MCM9: variants seen among roughly 807,000 people sequenced by gnomAD.
MCM9 encodes minichromosome maintenance 9 homologous recombination repair factor.
MCM9 carries 55 observed loss-of-function variants against 72.8 expected under a neutral mutation model. The observed-to-expected ratio is 0.76, with a 90% confidence interval of 0.61 to 0.95. MCM9 has a LOEUF of 0.95. Ranked by LOEUF, MCM9 falls within the 40% of genes least tolerant of loss-of-function variation. The pLI is 0.00. For synonymous variants in MCM9, 480 were observed against 503.4 expected (o/e 0.95, Z 0.62); for missense variants, 1,279 against 1,377.0 (o/e 0.93, Z 1.13).
At chr6:118,865,266 A>C (rs1159447573) in intron 8 of MCM9, among the ~76,000 whole-genome samples, 1 of 152,160 alleles carries the variant, frequency 6.6e-6, no homozygotes, top group Non-Finnish European at 1.5e-5. Context: ...GTCATACCAT[A>C]GGGGCAGTGC....
chr6:118,891,361 A>G (rs1423293681), intron 8 of MCM9, among the ~76,000 whole-genome samples: 1 of 152,190 alleles, frequency 6.6e-6, no homozygotes, highest in Non-Finnish European at 1.5e-5. Context: ...GAGGGGAAAA[A>G]TATCTTATAG....
chr6:118,858,739 A>G lies in MCM9; in HGVS notation c.1151-2194T>C, dbSNP rs150018598. Among the ~76,000 whole-genome samples the G allele has an allele frequency of 1.8e-3, 277 of 152,284 alleles. 1 individual carries two copies. The highest frequency in any genetic ancestry group is 0.01 in the Middle Eastern group (3 of 294). On this transcript the variant is annotated intron_variant, in intron 8 of 13. Transcript: ENST00000619706. The stretch of plus-strand genomic sequence containing the variant: ...CATGCAAGAATCTCTATGCAAAACT[A>G]CAAAACACTGACAGAGGAAATCATG...
rs1393798628 is a variant in MCM9 at position 118,814,472 on chromosome 6, G to A, written c.*352C>T. On this transcript the variant is annotated 3_prime_UTR_variant, in exon 14 of 14. Transcript: ENST00000619706. ...CTACCTTCTTGACATTTGTTCCTGA[G>A]TGAATGAAAGAAGAAATTAATCTAG... is the stretch of plus-strand genomic sequence containing the variant. 2.9e-5 allele frequency: 5 copies of A among 174,242 alleles called. No individual in the cohort carries two copies. Among genetic ancestry groups the A allele is most frequent in the Non-Finnish European group, 5.9e-5 (5 of 84,398 alleles). The allele number at this position is 174,242 out of a possible 1,614,324, so 10.8% of individuals were successfully genotyped here.
Position 118,932,641 on chromosome 6 carries a change from T to A in MCM9, c.-50A>T. 1.0e-6 allele frequency: 1 copy of A among 983,014 alleles called. No homozygotes were observed. Among genetic ancestry groups the A allele is most frequent in the Non-Finnish European group, 1.2e-6 (1 of 827,716 alleles). The allele number at this position is 983,014 out of a possible 1,614,324, so 60.9% of individuals were successfully genotyped here. On this transcript the variant is annotated 5_prime_UTR_variant, in exon 2 of 14. Transcript: ENST00000619706. ...GACTGACAGCCAGTTCTGACATGAATAATTAACAGACTGTCCTTAGAAATT... is the reference window on the plus strand; with the variant it reads ...GACTGACAGCCAGTTCTGACATGAAAAATTAACAGACTGTCCTTAGAAATT...
At chr6:118,870,522 T>C (rs1391994160) in intron 8 of MCM9, among the ~76,000 whole-genome samples, 1 of 151,566 alleles carries the variant, frequency 6.6e-6, no homozygotes, top group African/African-American at 2.4e-5. Flanking sequence ...ACAATACATG[T>C]CTACATCAAA....
At chr6:118,858,831 C>CT (rs202045895) in intron 8 of MCM9, among the ~76,000 whole-genome samples, 2,119 of 152,218 alleles carry the variant, frequency 0.014, 41 homozygotes, top group African/African-American at 0.049. Context: ...TTGGAAAACT[C>CT]TATTTTCAAG....
intron 9 of MCM9, among the ~76,000 whole-genome samples, chr6:118,849,151 A>T (rs1583425817): frequency 6.6e-6 from 1 of 151,880 alleles, no homozygotes; most frequent in East Asian, 1.9e-4. Flanking sequence ...GAGCAAAGAT[A>T]TATTAGACAA....
intron 8 of MCM9, among the ~76,000 whole-genome samples, chr6:118,870,985 A>G (rs1381113839): frequency 6.6e-6 from 1 of 152,168 alleles, no homozygotes; most frequent in African/African-American, 2.4e-5. Context: ...AGAAAAGCCC[A>G]GGACCAGAAG....
rs1775818774 is a variant in MCM9 at position 118,845,750 on chromosome 6, C to T, written c.1325+10621G>A. Among the ~76,000 whole-genome samples, 3 of 151,726 alleles carry T rather than the reference C, an allele frequency of 2.0e-5. No individual in the cohort carries two copies. The South Asian group carries it at 6.2e-4, about 31-fold the overall frequency. On this transcript the variant is annotated intron_variant, in intron 9 of 13. Coordinates refer to ENST00000619706, the MANE Select transcript of MCM9 (RefSeq NM_017696.3). ...GCCTGTCATAGGTGGCAAAGGTTAA[C>T]CCTAAAGGTTATCTATTTACTCACT...
At chr6:118,922,563 T>C (rs986768065) in intron 4 of MCM9, among the ~76,000 whole-genome samples, 1 of 152,210 alleles carries the variant, frequency 6.6e-6, no homozygotes, top group Non-Finnish European at 1.5e-5. Flanking sequence ...GGTCATATGA[T>C]AGAACTCTGA....
chr6:118,831,438 G>C lies in MCM9; in HGVS notation c.1326-2188C>G, dbSNP rs1048024781. 4.4e-4 allele frequency among the ~76,000 whole-genome samples: 67 copies of C among 151,906 alleles called. 3 individuals are homozygous for C. On this transcript the variant is annotated intron_variant, in intron 9 of 13. Coordinates refer to ENST00000619706, the MANE Select transcript of MCM9 (RefSeq NM_017696.3). ...TCTGAGGTGAAGTCAGCAGAAATAG[G>C]AGCAAGGAAAATACGGGAGTGGGCA...
At chr6:118,880,364 T>C (rs1461978666) in intron 8 of MCM9, among the ~76,000 whole-genome samples, 1 of 152,130 alleles carries the variant, frequency 6.6e-6, no homozygotes, top group Admixed American at 6.5e-5. Context: ...GAACTTTTCA[T>C]CAAAGTAAGT....
At chr6:118,887,904 G>A (rs1252264068) in intron 8 of MCM9, among the ~76,000 whole-genome samples, 1 of 152,176 alleles carries the variant, frequency 6.6e-6, no homozygotes, top group African/African-American at 2.4e-5. Context: ...TTCAAGTCCA[G>A]CCAGGGCAAC....
At chr6:118,914,144 A>G (rs1780759258) in intron 6 of MCM9, among the ~76,000 whole-genome samples, 1 of 152,228 alleles carries the variant, frequency 6.6e-6, no homozygotes, top group African/African-American at 2.4e-5. Flanking sequence ...TCTCTGGAAC[A>G]AAGTTACAGG....
rs538441832 is a variant in MCM9, at chr6:118,815,783, G to C, written c.2473C>G (p.Leu825Val). Reference sequence around the variant, plus strand: ...GCAGAGACTGCTGCTTCAGAATCTAGTGCTAGCCTTTTTTTCTTGTTACTT... The same window carrying C: ...GCAGAGACTGCTGCTTCAGAATCTACTGCTAGCCTTTTTTTCTTGTTACTT... The part of the protein sequence containing the change: ...VESNKKKRLA[L>V]DSEAAVSADK... Residue 825 changes from leucine to valine, a missense_variant, in exon 14 of 14, where the codon CTA becomes GTA. Transcript: ENST00000619706. 1.3e-6 allele frequency: 2 copies of C among 1,540,182 alleles called. No individual in the cohort carries two copies. Among genetic ancestry groups the C allele is most frequent in the Admixed American group, 2.0e-5 (1 of 50,990 alleles).
rs554581956 is a variant in MCM9 at position 118,908,032 on chromosome 6, T to C, written c.1150+3618A>G. The C allele has an allele frequency of 4.5e-5, 7 of 155,410 alleles. No homozygotes were observed. In the South Asian group the frequency reaches 7.9e-4, roughly 18 times the overall value. 9.6% of individuals were successfully genotyped at this position (155,410 alleles called of 1,614,324 possible). A position where few individuals can be genotyped will look rare whatever the true frequency, so the allele number is the denominator to read the frequency against. On this transcript the variant is annotated intron_variant, in intron 8 of 13. Transcript: ENST00000619706. ...AAATGTTTCTTCCTGTGAAGACATATGGTATCATTTTAATTTAAGGGGCAG... is the reference window on the plus strand; with the variant it reads ...AAATGTTTCTTCCTGTGAAGACATACGGTATCATTTTAATTTAAGGGGCAG...
At chr6:118,934,460 A>C (rs1290315189) in intron 1 of MCM9, 2 of 151,980 alleles carry the variant, frequency 1.3e-5, no homozygotes, top group African/African-American at 2.4e-5. Flanking sequence ...GGCATCCCCC[A>C]GCTGTCTCCG....
At chr6:118,933,283 A>G (rs2114476399) in intron 1 of MCM9, among the ~76,000 whole-genome samples, 2 of 152,224 alleles carry the variant, frequency 1.3e-5, no homozygotes, top group Non-Finnish European at 1.5e-5. Context: ...GTGGATCACG[A>G]GGTCAGGAGA....
At chr6:118,848,702 T>C (rs1031983505) in intron 9 of MCM9, among the ~76,000 whole-genome samples, 2 of 149,176 alleles carry the variant, frequency 1.3e-5, no homozygotes, top group South Asian at 2.1e-4. Context: ...GGCAGGCAGA[T>C]TGCCTGAGCT....
Sources: gnomAD v4.1 joint callset for allele counts (sites outside exome capture counted in the v4.1 genomes callset) on GRCh38, gnomAD v4.1.1 for gene constraint, MANE v1.5 for transcripts, NCBI Gene and HGNC (gene_info 2026-07-23, HGNC 2026-07-21) for gene names.